The following SIPA1L1 variants were observed in gnomAD, a reference collection of about 807,000 sequenced individuals.
SIPA1L1 encodes the protein signal-induced proliferation-associated 1-like protein 1.
Under a neutral mutation model 162.7 loss-of-function variants are expected in SIPA1L1, and 26 were observed. The observed-to-expected ratio is 0.16, with a 90% confidence interval of 0.12 to 0.22. The LOEUF (loss-of-function observed/expected upper bound fraction) is 0.22, where lower values mean the gene tolerates loss of function less well. Among genes scored for constraint, SIPA1L1 ranks in the 10% least tolerant of loss-of-function variants. The pLI is 1.00. For missense variants in SIPA1L1, 1,874 were observed against 2,241.0 expected (o/e 0.84, Z 3.31); for synonymous variants, 829 against 837.4 (o/e 0.99, Z 0.17).
chr14:71,601,201 C>T (rs1421116371), intron 5 of SIPA1L1, among the ~76,000 whole-genome samples: 1 of 152,098 alleles, frequency 6.6e-6, no homozygotes, highest in Non-Finnish European at 1.5e-5. Context: ...TTCAGCTTTT[C>T]CCCATTCATT....
chr14:71,494,060 G>T (rs189390317), intron 2 of SIPA1L1, among the ~76,000 whole-genome samples: 1 of 152,164 alleles, frequency 6.6e-6, no homozygotes, highest in South Asian at 2.1e-4. Flanking sequence ...GCTTTGGAAG[G>T]TTATCAGTTT....
intron 7 of SIPA1L1, among the ~76,000 whole-genome samples, chr14:71,625,900 T>C (rs1300953256): frequency 6.6e-6 from 1 of 152,232 alleles, no homozygotes; most frequent in Non-Finnish European, 1.5e-5. Flanking sequence ...GATACTCTAC[T>C]TGTAGACATT....
At chr14:71,375,643 C>CT (rs1319950361) in intron 2 of SIPA1L1, among the ~76,000 whole-genome samples, 2 of 152,074 alleles carry the variant, frequency 1.3e-5, no homozygotes, top group African/African-American at 4.8e-5. Context: ...AGCATTCTTG[C>CT]TTTACTCTTC....
chr14:71,697,614 G>C (rs2081745461), intron 13 of SIPA1L1, among the ~76,000 whole-genome samples: 1 of 152,250 alleles, frequency 6.6e-6, no homozygotes, highest in Non-Finnish European at 1.5e-5. Context: ...AAGGTGTCCA[G>C]TCAAGATGTT....
intron 2 of SIPA1L1, among the ~76,000 whole-genome samples, chr14:71,487,524 G>A (rs1353701796): frequency 2.6e-5 from 4 of 152,126 alleles, no homozygotes; most frequent in Admixed American, 2.0e-4. Context: ...GCTATTCCTG[G>A]CATCTGTGTA....
At position 71,624,178 on chromosome 14, in the gene SIPA1L1, G is replaced by A. The variant is rs765580850; in HGVS notation, c.1760G>A (p.Arg587Gln). Residue 587 changes from arginine to glutamine, a missense_variant, in exon 7 of 24, where the codon CGG becomes CAG. This residue lies in a region of SIPA1L1 where 685 missense variants were observed against 828.0 expected (regional missense o/e 0.83). Coordinates refer to ENST00000381232, the MANE Select transcript of SIPA1L1 (RefSeq NM_001386936.1). ...CCTGAGCTCAATGTCCAGTGCCTGC[G>A]GTTGGCCTTCAACACACCCAAGGTC... ...VVPELNVQCL[R>Q]LAFNTPKVTE... The A allele has an allele frequency of 2.5e-6, 4 of 1,614,148 alleles. No homozygotes were observed. Among genetic ancestry groups the A allele is most frequent in the Non-Finnish European group, 3.4e-6 (4 of 1,180,002 alleles).
At chr14:71,448,685 G>A (rs1595517218) in intron 2 of SIPA1L1, 1 of 99,128 alleles carries the variant, frequency 1.0e-5, no homozygotes, top group African/African-American at 4.8e-5. Flanking sequence ...AAGTCTAATT[G>A]TAAGCCGGGT....
chr14:71,459,919 A>G (rs1277507581), intron 2 of SIPA1L1, among the ~76,000 whole-genome samples: 1 of 152,192 alleles, frequency 6.6e-6, no homozygotes, highest in Non-Finnish European at 1.5e-5. Context: ...ATAATCTTCA[A>G]ATAAAGACAA....
intron 2 of SIPA1L1, among the ~76,000 whole-genome samples, chr14:71,481,941 T>C (rs1050754804): frequency 1.3e-5 from 2 of 152,244 alleles, no homozygotes; most frequent in African/African-American, 2.4e-5. Context: ...TGACATCTCT[T>C]TATAGATATA....
chr14:71,739,204 C>G lies in SIPA1L1; in HGVS notation c.*43C>G. The G allele has an allele frequency of 6.4e-7, 1 of 1,560,094 alleles. No individual in the cohort carries two copies. Among genetic ancestry groups the G allele is most frequent in the Non-Finnish European group, 8.7e-7 (1 of 1,146,522 alleles). On this transcript the variant is annotated 3_prime_UTR_variant, in exon 24 of 24. Coordinates refer to ENST00000381232, the MANE Select transcript of SIPA1L1 (RefSeq NM_001386936.1). Reference sequence around the variant, plus strand: ...AGGAGAAGGGCCCAGACACTCCCTCCAGTGAGTGTCCTGCAGCCCTTATTC... The same window carrying G: ...AGGAGAAGGGCCCAGACACTCCCTCGAGTGAGTGTCCTGCAGCCCTTATTC...
intron 7 of SIPA1L1, among the ~76,000 whole-genome samples, chr14:71,649,885 G>T (rs1465166029): frequency 1.3e-5 from 2 of 151,984 alleles, no homozygotes; most frequent in East Asian, 3.8e-4. Context: ...AAAAATATTA[G>T]TGGACCTTTT....
chr14:71,432,062 CT>C (rs2044027978), intron 2 of SIPA1L1, among the ~76,000 whole-genome samples: 1 of 151,750 alleles, frequency 6.6e-6, no homozygotes, highest in Non-Finnish European at 1.5e-5. Context: ...TTCTTGCTTT[CT>C]TTTTTTCTTT....
Position 71,730,120 on chromosome 14 carries a change from C to T in SIPA1L1, c.4680C>T (p.His1560=), listed in dbSNP as rs1373328074. 1 of 1,614,200 alleles carries T rather than the reference C, an allele frequency of 6.2e-7. No homozygotes were observed. Among genetic ancestry groups the T allele is most frequent in the Non-Finnish European group, 8.5e-7 (1 of 1,180,030 alleles). ...PSTPTSRRAL[H]RTLSDESIYN... ...CCCCCACCTCACGGCGGGCCTTGCA[C>T]AGAACACTGTCGGACGAGAGCATTT... The change falls in exon 20 of 24, where the codon CAC becomes CAT. Residue 1560 remains histidine (H), a synonymous_variant. Transcript: ENST00000381232.
intron 13 of SIPA1L1, among the ~76,000 whole-genome samples, chr14:71,687,130 A>G (rs1209734504): frequency 6.6e-6 from 1 of 152,270 alleles, no homozygotes; most frequent in Non-Finnish European, 1.5e-5. Context: ...CAATTTAATT[A>G]AAACAGACAA....
At chr14:71,604,724 A>T (rs1484199974) in intron 5 of SIPA1L1, among the ~76,000 whole-genome samples, 2 of 151,432 alleles carry the variant, frequency 1.3e-5, no homozygotes, top group East Asian at 3.9e-4. Context: ...ATATCTTCCC[A>T]TTCTCTACTG....
chr14:71,688,167 G>C (rs1239750608), intron 13 of SIPA1L1, among the ~76,000 whole-genome samples: 2 of 152,146 alleles, frequency 1.3e-5, no homozygotes, highest in African/African-American at 4.8e-5. Flanking sequence ...GAGGCATAAA[G>C]AGAAGGTACT....
chr14:71,550,141 T>G (rs1567192502), intron 4 of SIPA1L1, among the ~76,000 whole-genome samples: 1 of 152,134 alleles, frequency 6.6e-6, no homozygotes, highest in Non-Finnish European at 1.5e-5. Context: ...TAGTCCCAGG[T>G]ACTTGCGAGG....
At chr14:71,468,947 C>G (rs2047234959) in intron 2 of SIPA1L1, among the ~76,000 whole-genome samples, 1 of 152,182 alleles carries the variant, frequency 6.6e-6, no homozygotes, top group African/African-American at 2.4e-5. Context: ...AACAATCTCC[C>G]TTGTTTTCTT....
At chr14:71,330,674 CATG>C in intron 2 of SIPA1L1, 1 of 878,080 alleles carries the variant, frequency 1.1e-6, no homozygotes, top group Non-Finnish European at 2.0e-6. Context: ...GGTACCCTCT[CATG>C]AGGAGGAATC....
Sources: gnomAD v4.1 joint callset for allele counts (sites outside exome capture counted in the v4.1 genomes callset) on GRCh38, gnomAD v4.1.1 for gene constraint, gnomAD v4.1.1 regional missense constraint, MANE v1.5 for transcripts, NCBI Gene and HGNC (gene_info 2026-07-23, HGNC 2026-07-21) for gene names.